ADGRL3: variants seen among roughly 807,000 people sequenced by gnomAD.
The protein encoded by ADGRL3 is adhesion G protein-coupled receptor L3, also known as calcium-independent alpha-latrotoxin receptor 3.
A neutral mutation model predicts 153.5 loss-of-function variants in ADGRL3; 62 were observed. The ratio of observed to expected loss-of-function variants is 0.40; its 90% confidence interval spans 0.33 to 0.50. ADGRL3 has a LOEUF of 0.50. Ranked by LOEUF, ADGRL3 falls within the 20% of genes least tolerant of loss-of-function variation. ADGRL3 has a pLI of 0.47. For synonymous variants in ADGRL3, 710 were observed against 672.5 expected (o/e 1.06, Z -0.86); for missense variants, 1,641 against 1,859.4 (o/e 0.88, Z 2.16).
At chr4:61,448,130 T>C (rs568376137) in intron 2 of ADGRL3, among the ~76,000 whole-genome samples, 1 of 152,312 alleles carries the variant, frequency 6.6e-6, no homozygotes, top group Non-Finnish European at 1.5e-5. Flanking sequence ...CTCAGTGGTG[T>C]GCACAGAGTA....
chr4:61,866,840 CA>C (rs2098403228), intron 9 of ADGRL3, among the ~76,000 whole-genome samples: 1 of 152,088 alleles, frequency 6.6e-6, no homozygotes, highest in African/African-American at 2.4e-5. Flanking sequence ...AGTGTCACAT[CA>C]ATCAATCCTC....
Position 61,587,345 on chromosome 4 carries a change from T to C in ADGRL3, c.378T>C (p.Tyr126=). The C allele has an allele frequency of 6.2e-7, 1 of 1,612,456 alleles. No homozygotes were observed. Among genetic ancestry groups the C allele is most frequent in the East Asian group, 2.2e-5 (1 of 44,778 alleles). ...TDVIMIESAN[Y]GRTDDKICDS... is the part of the protein sequence containing the mutation. ...TCATCATGATAGAAAGTGCCAACTA[T>C]GGCAGGACTGATGACAAAATTTGTG... Residue 126 remains tyrosine (Y), a synonymous_variant, in exon 5 of 27, where the codon TAT becomes TAC. Transcript: ENST00000683033.
intron 1 of ADGRL3, among the ~76,000 whole-genome samples, chr4:61,275,828 C>G (rs946562444): frequency 1.3e-5 from 2 of 151,990 alleles, no homozygotes; most frequent in African/African-American, 4.8e-5. Context: ...CAGGGGAGAC[C>G]CTGTTGAATC....
chr4:61,715,308 T>G (rs2096085373), intron 6 of ADGRL3, among the ~76,000 whole-genome samples: 1 of 152,180 alleles, frequency 6.6e-6, no homozygotes, highest in Non-Finnish European at 1.5e-5. Context: ...AAGATTTATC[T>G]TTTAAAAGCA....
At chr4:61,903,969 A>G (rs2098680956) in intron 11 of ADGRL3, among the ~76,000 whole-genome samples, 1 of 151,218 alleles carries the variant, frequency 6.6e-6, no homozygotes, top group Non-Finnish European at 1.5e-5. Context: ...GGGCTTCCCT[A>G]TGTTGCCCAG....
At chr4:61,847,966 T>A (rs2098150549) in intron 9 of ADGRL3, among the ~76,000 whole-genome samples, 1 of 12,634 alleles carries the variant, frequency 7.9e-5, no homozygotes, top group East Asian at 3.9e-3. Flanking sequence ...AAATATATTA[T>A]ATATATAATA....
At chr4:61,585,371 T>C (rs1039469691) in intron 4 of ADGRL3, among the ~76,000 whole-genome samples, 1 of 151,364 alleles carries the variant, frequency 6.6e-6, no homozygotes, top group Non-Finnish European at 1.5e-5. Flanking sequence ...ATATGTTTCA[T>C]AAACCAAATC....
intron 3 of ADGRL3, among the ~76,000 whole-genome samples, chr4:61,510,676 T>C (rs1441886096): frequency 6.6e-6 from 1 of 152,222 alleles, no homozygotes; most frequent in East Asian, 1.9e-4. Context: ...ATAAGATAGT[T>C]TGACATTTGG....
chr4:61,638,280 C>A (rs1293017316), intron 5 of ADGRL3, among the ~76,000 whole-genome samples: 1 of 151,920 alleles, frequency 6.6e-6, no homozygotes, highest in African/African-American at 2.4e-5. Context: ...ATGAAAGAAG[C>A]CAGGAACCCT....
At chr4:61,291,175 TACAC>T (rs68037459) in intron 1 of ADGRL3, among the ~76,000 whole-genome samples, 9,609 of 135,266 alleles carry the variant, frequency 0.071, 386 homozygotes, top group East Asian at 0.16. Flanking sequence ...CCTGGATCAA[TACAC>T]ACACACACAC....
At chr4:61,640,165 A>T (rs1024466323) in intron 5 of ADGRL3, among the ~76,000 whole-genome samples, 6 of 152,124 alleles carry the variant, frequency 3.9e-5, no homozygotes, top group Non-Finnish European at 7.4e-5. Context: ...TGCTGCCACT[A>T]ATCAAAGCTG....
intron 2 of ADGRL3, among the ~76,000 whole-genome samples, chr4:61,483,907 T>A (rs967392443): frequency 6.6e-6 from 1 of 150,868 alleles, no homozygotes; most frequent in Non-Finnish European, 1.5e-5. Flanking sequence ...CTAAGTATAG[T>A]GTGTTCTGTT....
intron 13 of ADGRL3, among the ~76,000 whole-genome samples, chr4:61,917,693 G>A (rs887612562): frequency 1.4e-5 from 2 of 147,758 alleles, no homozygotes; most frequent in African/African-American, 5.4e-5. Context: ...TGGGATGGGG[G>A]GCAAGAAAGC....
At chr4:62,054,580 A>G (rs1193229836) in intron 25 of ADGRL3, among the ~76,000 whole-genome samples, 1 of 151,654 alleles carries the variant, frequency 6.6e-6, no homozygotes, top group Non-Finnish European at 1.5e-5. Context: ...TATAGTTCAG[A>G]TTTTAGATTA....
chr4:62,005,267 T>C (rs2099153597), intron 21 of ADGRL3, among the ~76,000 whole-genome samples: 1 of 152,156 alleles, frequency 6.6e-6, no homozygotes, highest in Admixed American at 6.5e-5. Flanking sequence ...GCTGCTCTCT[T>C]TTTTGGCTTT....
At chr4:61,364,172 T>TA (rs996039154) in intron 1 of ADGRL3, among the ~76,000 whole-genome samples, 25 of 144,202 alleles carry the variant, frequency 1.7e-4, no homozygotes, top group Non-Finnish European at 1.7e-4. Flanking sequence ...TCTACTAAAA[T>TA]AAAAAAAAAA....
At chr4:61,519,649 T>C (rs938410261) in intron 4 of ADGRL3, among the ~76,000 whole-genome samples, 1 of 152,146 alleles carries the variant, frequency 6.6e-6, no homozygotes, top group African/African-American at 2.4e-5. Flanking sequence ...TATATACAGC[T>C]AGAATGCTTG....
At chr4:61,794,387 A>G (rs946478433) in intron 8 of ADGRL3, among the ~76,000 whole-genome samples, 6 of 152,104 alleles carry the variant, frequency 3.9e-5, no homozygotes, top group Admixed American at 3.3e-4. Flanking sequence ...TGCTTTTGTG[A>G]TGTCTTTTAC....
At chr4:61,268,825 A>C (rs1184753517) in intron 1 of ADGRL3, among the ~76,000 whole-genome samples, 1 of 151,660 alleles carries the variant, frequency 6.6e-6, no homozygotes, top group Non-Finnish European at 1.5e-5. Flanking sequence ...CAAGTTGTTA[A>C]GATGGCAAAA....
Sources: allele counts gnomAD v4.1 joint callset (sites outside exome capture counted in the v4.1 genomes callset), GRCh38; gene constraint gnomAD v4.1.1; transcripts MANE v1.5; gene names NCBI Gene and HGNC (gene_info 2026-07-23, HGNC 2026-07-21).